The following DPP10 variants were observed in gnomAD, a reference collection of about 807,000 sequenced individuals.
DPP10 encodes inactive dipeptidyl peptidase 10.
DPP10 carries 33 observed loss-of-function variants against 120.9 expected under a neutral mutation model. The observed-to-expected ratio is 0.27, with a 90% CI of 0.21 to 0.37. DPP10 has a LOEUF of 0.37. Ranked by LOEUF, DPP10 falls within the 10% of genes least tolerant of loss-of-function variation. The probability of loss-of-function intolerance (pLI) is 1.00; values close to 1 mark genes in which losing one functional copy is unlikely to be tolerated. For synonymous variants in DPP10, 337 were observed against 326.1 expected, an observed-to-expected ratio of 1.03 and a Z score of -0.36; for missense variants, 816 against 942.8, an observed-to-expected ratio of 0.87 and a Z score of 1.76.
intron 1 of DPP10, among the ~76,000 whole-genome samples, chr2:115,148,227 C>A: frequency 6.6e-6 from 1 of 152,070 alleles, no homozygotes; most frequent in East Asian, 1.9e-4. Context: ...AGATCAGGAC[C>A]TATTGCTTTT....
chr2:114,974,417 C>CTTCTT (rs1699611155), intron 1 of DPP10, among the ~76,000 whole-genome samples: 1 of 131,578 alleles, frequency 7.6e-6, no homozygotes, highest in East Asian at 2.2e-4. Context: ...CCTTTTTATC[C>CTTCTT]TTTTTTTTTT....
intron 5 of DPP10, among the ~76,000 whole-genome samples, chr2:115,658,378 A>G (rs573494861): frequency 8.7e-5 from 13 of 149,980 alleles, no homozygotes; most frequent in African/African-American, 2.9e-4. Context: ...ATTTAGGTCA[A>G]CTTGACAACC....
chr2:115,384,258 C>T (rs1333922583), intron 3 of DPP10, among the ~76,000 whole-genome samples: 1 of 152,020 alleles, frequency 6.6e-6, no homozygotes, highest in Non-Finnish European at 1.5e-5. Flanking sequence ...CCTGTAATCC[C>T]AGAACTTGGG....
At chr2:115,358,633 A>G (rs930681466) in intron 3 of DPP10, among the ~76,000 whole-genome samples, 1 of 152,130 alleles carries the variant, frequency 6.6e-6, no homozygotes, top group African/African-American at 2.4e-5. Context: ...GGGTATCCTT[A>G]TAGCAGCACC....
chr2:114,875,192 A>G (rs1691053359), intron 1 of DPP10, among the ~76,000 whole-genome samples: 2 of 152,184 alleles, frequency 1.3e-5, no homozygotes, highest in South Asian at 2.1e-4. Context: ...TGCCAATGAT[A>G]TAATGCTTTT....
At chr2:115,090,831 T>A (rs1364263384) in intron 1 of DPP10, among the ~76,000 whole-genome samples, 6 of 152,034 alleles carry the variant, frequency 3.9e-5, no homozygotes, top group African/African-American at 1.4e-4. Flanking sequence ...GGGTCTGACA[T>A]CTCTCTGGCC....
intron 3 of DPP10, among the ~76,000 whole-genome samples, chr2:115,375,438 C>T (rs533309412): frequency 6.6e-6 from 1 of 152,286 alleles, no homozygotes; most frequent in East Asian, 1.9e-4. Context: ...TTGGTGGAAA[C>T]AATTAAACAA....
intron 3 of DPP10, among the ~76,000 whole-genome samples, chr2:115,425,270 A>G (rs893551882): frequency 1.3e-5 from 2 of 152,146 alleles, no homozygotes; most frequent in African/African-American, 4.8e-5. Flanking sequence ...AATTCTAGAA[A>G]CGTATCTAGG....
At chr2:115,532,099 A>T (rs2078504784) in intron 5 of DPP10, among the ~76,000 whole-genome samples, 1 of 151,982 alleles carries the variant, frequency 6.6e-6, no homozygotes, top group Non-Finnish European at 1.5e-5. Context: ...ATCACTCTCT[A>T]TTTCCCATCC....
At chr2:114,763,450 C>A (rs893435981) in intron 1 of DPP10, among the ~76,000 whole-genome samples, 12 of 152,102 alleles carry the variant, frequency 7.9e-5, no homozygotes, top group Admixed American at 2.0e-4. Flanking sequence ...AAAATGAATT[C>A]AAAAGTGATT....
chr2:115,380,332 T>C (rs188451464), intron 3 of DPP10, among the ~76,000 whole-genome samples: 255 of 152,284 alleles, frequency 1.7e-3, no homozygotes, highest in African/African-American at 5.9e-3. Flanking sequence ...CTTTTGATCT[T>C]TGTTGGTTTA....
At chr2:115,467,123 G>A (rs1187647374) in intron 3 of DPP10, among the ~76,000 whole-genome samples, 1 of 152,064 alleles carries the variant, frequency 6.6e-6, no homozygotes, top group East Asian at 1.9e-4. Flanking sequence ...ATTTAAGGGA[G>A]CAATAAAGAA....
chr2:115,089,882 C>G (rs1011306602), intron 1 of DPP10, among the ~76,000 whole-genome samples: 2 of 152,152 alleles, frequency 1.3e-5, no homozygotes, highest in Admixed American at 6.6e-5. Context: ...CCTGGTTTAT[C>G]TCTTAAACTA....
intron 1 of DPP10, among the ~76,000 whole-genome samples, chr2:115,225,727 G>T (rs1254258921): frequency 1.3e-5 from 2 of 151,822 alleles, no homozygotes; most frequent in African/African-American, 4.8e-5. Context: ...TATTCTTTGT[G>T]CTAGTTTTCT....
intron 1 of DPP10, among the ~76,000 whole-genome samples, chr2:115,132,988 G>T (rs1212742047): frequency 1.3e-5 from 2 of 151,374 alleles, no homozygotes; most frequent in African/African-American, 4.9e-5. Flanking sequence ...GAAGGAGAGT[G>T]TTGGAAGCTA....
At chr2:115,329,959 G>T (rs1467673445) in intron 2 of DPP10, among the ~76,000 whole-genome samples, 3 of 152,140 alleles carry the variant, frequency 2.0e-5, no homozygotes, top group Non-Finnish European at 4.4e-5. Context: ...ACCCAGTAAT[G>T]GGATCACTGG....
chr2:114,569,070 T>C (rs1689425041), intron 1 of DPP10, among the ~76,000 whole-genome samples: 1 of 152,224 alleles, frequency 6.6e-6, no homozygotes. Flanking sequence ...TCATCTTATA[T>C]GTTAATAGTC....
At chr2:114,673,221 G>C (rs941148541) in intron 1 of DPP10, among the ~76,000 whole-genome samples, 3 of 152,130 alleles carry the variant, frequency 2.0e-5, no homozygotes, top group East Asian at 1.9e-4. Context: ...TCAGTGTGTT[G>C]TTGGCTTAAA....
At chr2:115,250,188 C>T (rs1361737723) in intron 1 of DPP10, among the ~76,000 whole-genome samples, 2 of 152,108 alleles carry the variant, frequency 1.3e-5, no homozygotes. Context: ...TCCTGGCAGA[C>T]ACTGATTCTA....
Sources: allele counts gnomAD v4.1 joint callset (sites outside exome capture counted in the v4.1 genomes callset), GRCh38; gene constraint gnomAD v4.1.1; transcripts MANE v1.5; gene names NCBI Gene and HGNC (gene_info 2026-07-23, HGNC 2026-07-21).